The following TMC1 variants were observed in gnomAD, a reference collection of about 807,000 sequenced individuals.
TMC1 encodes the protein transmembrane channel-like protein 1.
TMC1 carries 84 observed loss-of-function variants against 105.8 expected under a neutral mutation model. The observed-to-expected ratio is 0.79, with a 90% confidence interval of 0.67 to 0.95. The LOEUF is 0.95. TMC1 is among the 40% of genes least tolerant of loss of function. The probability of loss-of-function intolerance (pLI) is 0.00; values close to 1 mark genes in which losing one functional copy is unlikely to be tolerated. For missense variants in TMC1, 817 were observed against 914.1 expected, an observed-to-expected ratio of 0.89 and a Z score of 1.37; for synonymous variants, 315 against 311.5, an observed-to-expected ratio of 1.01 and a Z score of -0.12.
chr9:72,818,575 T>C (rs1337301285), intron 19 of TMC1: 1 of 152,216 alleles, frequency 6.6e-6, no homozygotes, highest in Non-Finnish European at 1.5e-5. Flanking sequence ...TTTTCTTCAC[T>C]TTCTCAGTTG....
intron 1 of TMC1, among the ~76,000 whole-genome samples, chr9:72,526,555 G>C (rs1464058480): frequency 2.6e-5 from 4 of 152,152 alleles, no homozygotes; most frequent in Admixed American, 2.6e-4. Flanking sequence ...TTTATAATTG[G>C]TATTTTCACC....
At chr9:72,832,817 C>T (rs1254308971) in intron 23 of TMC1, among the ~76,000 whole-genome samples, 1 of 152,078 alleles carries the variant, frequency 6.6e-6, no homozygotes, top group Admixed American at 6.5e-5. Flanking sequence ...ATCAATACTA[C>T]ATGTGTGCAT....
At chr9:72,642,983 C>T (rs956784598) in intron 4 of TMC1, among the ~76,000 whole-genome samples, 2 of 152,202 alleles carry the variant, frequency 1.3e-5, no homozygotes, top group Non-Finnish European at 2.9e-5. Flanking sequence ...AAATGGAACA[C>T]TACTGTATGT....
intron 4 of TMC1, among the ~76,000 whole-genome samples, chr9:72,634,383 A>G (rs1825498567): frequency 6.6e-6 from 1 of 152,198 alleles, no homozygotes; most frequent in South Asian, 2.1e-4. Flanking sequence ...TAACTATTAT[A>G]GAAAGGTAAG....
chr9:72,529,067 A>G (rs933432145), intron 1 of TMC1, among the ~76,000 whole-genome samples: 1 of 146,350 alleles, frequency 6.8e-6, no homozygotes, highest in African/African-American at 2.5e-5. Context: ...ATGTGAGAGA[A>G]TGTGCACAGG....
intron 18 of TMC1, among the ~76,000 whole-genome samples, chr9:72,807,761 A>G: frequency 6.6e-6 from 1 of 152,232 alleles, no homozygotes; most frequent in East Asian, 1.9e-4. Flanking sequence ...CTCGAAAGAG[A>G]CACACACAAG....
intron 2 of TMC1, among the ~76,000 whole-genome samples, chr9:72,607,077 T>G (rs1376023846): frequency 6.6e-6 from 1 of 151,538 alleles, no homozygotes; most frequent in Non-Finnish European, 1.5e-5. Flanking sequence ...AAAAGAATAT[T>G]ATTTGTTTCC....
chr9:72,751,570 G>A (rs560088993), intron 10 of TMC1, among the ~76,000 whole-genome samples: 88 of 152,308 alleles, frequency 5.8e-4, no homozygotes, highest in African/African-American at 1.9e-3. Context: ...TCAGCAAAAG[G>A]CAGCTTTCCC....
intron 5 of TMC1, among the ~76,000 whole-genome samples, chr9:72,669,813 A>C (rs539659041): frequency 6.6e-6 from 1 of 152,272 alleles, no homozygotes; most frequent in South Asian, 2.1e-4. Context: ...TTACTCTTTT[A>C]TGTGAAATAA....
At chr9:72,660,200 C>T (rs543810311) in intron 5 of TMC1, among the ~76,000 whole-genome samples, 30 of 152,270 alleles carry the variant, frequency 2.0e-4, no homozygotes, top group Non-Finnish European at 4.0e-4. Flanking sequence ...ACAGACTTCT[C>T]AGCAATAGTG....
chr9:72,727,914 A>C (rs1432988033), intron 8 of TMC1, among the ~76,000 whole-genome samples: 1 of 152,136 alleles, frequency 6.6e-6, no homozygotes, highest in Non-Finnish European at 1.5e-5. Flanking sequence ...ATAGAGCTTA[A>C]AGAGACTATC....
At chr9:72,578,792 G>A (rs867827277) in intron 2 of TMC1, among the ~76,000 whole-genome samples, 4 of 152,196 alleles carry the variant, frequency 2.6e-5, no homozygotes, top group African/African-American at 4.8e-5. Context: ...CATGTCACCC[G>A]CAGCCTTTCT....
At chr9:72,783,140 AG>A (rs1476465884) in intron 13 of TMC1, among the ~76,000 whole-genome samples, 5 of 152,158 alleles carry the variant, frequency 3.3e-5, no homozygotes, top group Admixed American at 2.0e-4. Context: ...CTAGAGAGAC[AG>A]AACTAATAGG....
intron 2 of TMC1, among the ~76,000 whole-genome samples, chr9:72,606,669 C>T (rs1272422919): frequency 1.3e-5 from 2 of 151,894 alleles, no homozygotes; most frequent in Non-Finnish European, 2.9e-5. Flanking sequence ...TATAAAAATA[C>T]TTACTTTTTT....
intron 5 of TMC1, among the ~76,000 whole-genome samples, chr9:72,681,285 A>G (rs376584156): frequency 6.6e-6 from 1 of 152,128 alleles, no homozygotes. Flanking sequence ...CCTCCCTCAA[A>G]CAATCTAAAT....
At chr9:72,554,610 CAG>C (rs1488044885) in intron 1 of TMC1, among the ~76,000 whole-genome samples, 1 of 152,120 alleles carries the variant, frequency 6.6e-6, no homozygotes, top group Non-Finnish European at 1.5e-5. Context: ...TGGGACATGA[CAG>C]AATAGTTTCA....
intron 9 of TMC1, chr9:72,741,236 A>T (rs1375152344): frequency 5.5e-6 from 1 of 181,612 alleles, no homozygotes; most frequent in Non-Finnish European, 1.1e-5. Flanking sequence ...CAAAATCTCC[A>T]GCAATACATT....
intron 4 of TMC1, among the ~76,000 whole-genome samples, chr9:72,635,347 G>A (rs959293444): frequency 2.0e-5 from 3 of 152,094 alleles, no homozygotes; most frequent in Non-Finnish European, 2.9e-5. Flanking sequence ...CTGGAGGTTG[G>A]TCTGGAGGTT....
At chr9:72,712,409 T>G (rs1489458443) in intron 8 of TMC1, among the ~76,000 whole-genome samples, 4 of 152,180 alleles carry the variant, frequency 2.6e-5, no homozygotes, top group African/African-American at 9.7e-5. Flanking sequence ...GAACATGGAA[T>G]GTTTTTCCAT....
Sources: gnomAD v4.1 joint callset for allele counts (sites outside exome capture counted in the v4.1 genomes callset) on GRCh38, gnomAD v4.1.1 for gene constraint, MANE v1.5 for transcripts, NCBI Gene and HGNC (gene_info 2026-07-23, HGNC 2026-07-21) for gene names.